Variants in SLC22A9 observed in about 807,000 individuals in gnomAD.
SLC22A9 encodes organic anion transporter 7.
A neutral mutation model predicts 50.1 loss-of-function variants in SLC22A9; 64 were observed. The observed-to-expected ratio is 1.28, with a 90% CI of 1.04 to 1.57. The LOEUF (loss-of-function observed/expected upper bound fraction) is 1.57. SLC22A9 is among the 40% of genes most tolerant of loss of function. The probability of loss-of-function intolerance (pLI) is 0.00; values close to 1 mark genes in which losing one functional copy is unlikely to be tolerated. For synonymous variants in SLC22A9, 261 were observed against 242.5 expected (o/e 1.08, Z -0.71); for missense variants, 757 against 676.1 (o/e 1.12, Z -1.33).
intron 6 of SLC22A9, among the ~76,000 whole-genome samples, chr11:63,383,133 G>C (rs979905708): frequency 6.6e-6 from 1 of 152,106 alleles, no homozygotes; most frequent in Admixed American, 6.6e-5. Flanking sequence ...ATCTGTGACT[G>C]GTACAGCTCA....
At chr11:63,393,114 C>A (rs1028897654) in intron 6 of SLC22A9, among the ~76,000 whole-genome samples, 16 of 152,142 alleles carry the variant, frequency 1.1e-4, no homozygotes, top group African/African-American at 3.6e-4. Flanking sequence ...TCTACCCATC[C>A]ATTAACATGG....
intron 6 of SLC22A9, among the ~76,000 whole-genome samples, chr11:63,392,949 A>G (rs576898502): frequency 5.3e-5 from 8 of 152,098 alleles, no homozygotes; most frequent in Non-Finnish European, 1.2e-4. Context: ...CTTTTTGCAT[A>G]GTCTTGCTTT....
intron 6 of SLC22A9, among the ~76,000 whole-genome samples, chr11:63,386,783 T>C (rs2014676640): frequency 6.6e-6 from 1 of 152,118 alleles, no homozygotes; most frequent in South Asian, 2.1e-4. Context: ...AGCCTCTAGA[T>C]TCATCAGTTT....
chr11:63,392,264 G>T (rs2119956300), intron 6 of SLC22A9, among the ~76,000 whole-genome samples: 1 of 152,028 alleles, frequency 6.6e-6, no homozygotes, highest in Admixed American at 6.6e-5. Context: ...CAATTACAGT[G>T]TTATACTATT....
rs77893621 is a variant in SLC22A9, at chr11:63,380,204, T to C, written c.955-1955T>C. On this transcript the variant is annotated intron_variant, in intron 5 of 9. Coordinates refer to ENST00000279178, the MANE Select transcript of SLC22A9 (RefSeq NM_080866.3). The stretch of plus-strand genomic sequence containing the variant: ...AAAAAATAACAGATGCTGGTGAGAC[T>C]GCAGAAAAAAGGGAACACTTAAAAA... Among the ~76,000 whole-genome samples the C allele has an allele frequency of 6.1e-3, 930 of 152,254 alleles. 10 individuals are homozygous for C. Among genetic ancestry groups the C allele is most frequent in the African/African-American group, 0.02 (851 of 41,558 alleles).
chr11:63,392,506 GT>G (rs966557165), intron 6 of SLC22A9, among the ~76,000 whole-genome samples: 14 of 150,960 alleles, frequency 9.3e-5, no homozygotes, highest in Admixed American at 2.0e-4. Context: ...GGGATAAAAG[GT>G]TTTTTTTTCC....
intron 6 of SLC22A9, among the ~76,000 whole-genome samples, chr11:63,384,474 AT>A (rs1471079137): frequency 1.3e-5 from 2 of 151,756 alleles, no homozygotes; most frequent in Non-Finnish European, 2.9e-5. Flanking sequence ...ACATGATCGC[AT>A]TTTTTTTATG....
At chr11:63,390,890 G>A (rs367575666) in intron 6 of SLC22A9, among the ~76,000 whole-genome samples, 1 of 151,826 alleles carries the variant, frequency 6.6e-6, no homozygotes, top group African/African-American at 2.4e-5. Flanking sequence ...TGCTTTTCTA[G>A]TTCTTTAAGA....
rs918800269 is a variant in SLC22A9, at chr11:63,406,491, T to A, written c.1074-6T>A. The A allele has an allele frequency of 1.4e-5, 23 of 1,612,072 alleles. No individual in the cohort carries two copies. Among genetic ancestry groups the A allele is most frequent in the Non-Finnish European group, 1.9e-5 (22 of 1,178,304 alleles). On this transcript the variant is annotated splice_region_variant and splice_polypyrimidine_tract_variant and intron_variant, in intron 6 of 9. Transcript: ENST00000279178. ...AATATGTTTCTTTCCTTTTTAATCA[T>A]CACAGATTTGCAAACTTTATGGCCT...
chr11:63,398,219 T>C (rs1352551255), intron 6 of SLC22A9, among the ~76,000 whole-genome samples: 1 of 152,124 alleles, frequency 6.6e-6, no homozygotes, highest in Non-Finnish European at 1.5e-5. Context: ...CAGGACCCTA[T>C]TCTACTGTGG....
intron 2 of SLC22A9, among the ~76,000 whole-genome samples, chr11:63,371,667 C>T (rs1257363165): frequency 6.6e-6 from 1 of 152,216 alleles, no homozygotes; most frequent in Non-Finnish European, 1.5e-5. Context: ...GTGTGATGAA[C>T]ACGCATTCCT....
chr11:63,390,104 A>G (rs2014738010), intron 6 of SLC22A9, among the ~76,000 whole-genome samples: 4 of 151,738 alleles, frequency 2.6e-5, no homozygotes, highest in Admixed American at 2.6e-4. Flanking sequence ...GCTTGCAAAA[A>G]TTTTCTCCCA....
chr11:63,400,782 A>G (rs1248096346), intron 6 of SLC22A9, among the ~76,000 whole-genome samples: 14 of 152,134 alleles, frequency 9.2e-5, no homozygotes, highest in Admixed American at 7.2e-4. Context: ...AAATTTTAAA[A>G]CACATTAAAG....
Position 63,409,811 on chromosome 11 carries a change from C to A in SLC22A9, c.1611C>A (p.Asp537Glu). The change falls in exon 10 of 10, where the codon GAC becomes GAA. Residue 537 changes from aspartate (D) to glutamate (E), a missense_variant. By Grantham distance (45) the Asp-to-Glu change is conservative. Coordinates refer to ENST00000279178, the MANE Select transcript of SLC22A9 (RefSeq NM_080866.3). ...TTTGTATTTGTTCTAGGAGAAAAGACCCCAGAGAACCAAAGCAAGAGGATC... is the reference window on the plus strand; with the variant it reads ...TTTGTATTTGTTCTAGGAGAAAAGAACCCAGAGAACCAAAGCAAGAGGATC... ...TIQDEKNERK[D>E]PREPKQEDPR... 1 of 1,613,396 alleles carries A rather than the reference C, an allele frequency of 6.2e-7. No homozygotes were observed. The highest frequency in any genetic ancestry group is 8.5e-7 in the Non-Finnish European group (1 of 1,179,720).
Position 63,407,371 on chromosome 11 carries a change from T to C in SLC22A9, c.1288+660T>C, listed in dbSNP as rs114991522. On this transcript the variant is annotated intron_variant, in intron 7 of 9. Coordinates refer to ENST00000279178, the MANE Select transcript of SLC22A9 (RefSeq NM_080866.3). Reference sequence around the variant, plus strand: ...ACCCAGGTGGCCACCAGTCTTCACCTAACTCTTAGTGTAGTAATGTATCTA... The same window carrying C: ...ACCCAGGTGGCCACCAGTCTTCACCCAACTCTTAGTGTAGTAATGTATCTA... 6.3e-3 allele frequency among the ~76,000 whole-genome samples: 958 copies of C among 152,304 alleles called. 11 individuals carry two copies. Among genetic ancestry groups the C allele is most frequent in the African/African-American group, 0.022 (914 of 41,556 alleles).
intron 6 of SLC22A9, among the ~76,000 whole-genome samples, chr11:63,392,387 T>C (rs1038224231): frequency 2.6e-5 from 4 of 152,116 alleles, no homozygotes; most frequent in Non-Finnish European, 5.9e-5. Flanking sequence ...TTGACATTTC[T>C]TGTAGGACAG....
chr11:63,385,645 T>G (rs1324432115), intron 6 of SLC22A9, among the ~76,000 whole-genome samples: 1 of 152,140 alleles, frequency 6.6e-6, no homozygotes, highest in African/African-American at 2.4e-5. Context: ...ATTGATTTTG[T>G]ATCCTGAGAC....
intron 5 of SLC22A9, among the ~76,000 whole-genome samples, chr11:63,379,646 A>G (rs1464926213): frequency 1.3e-5 from 2 of 152,232 alleles, no homozygotes; most frequent in African/African-American, 4.8e-5. Context: ...AATATTCACA[A>G]TCTATAAGGC....
At chr11:63,404,928 A>T (rs1364492508) in intron 6 of SLC22A9, among the ~76,000 whole-genome samples, 1 of 152,122 alleles carries the variant, frequency 6.6e-6, no homozygotes, top group Non-Finnish European at 1.5e-5. Flanking sequence ...AAGAAGAAGC[A>T]AATTCAAAGA....
Sources: gnomAD v4.1 joint callset for allele counts (sites outside exome capture counted in the v4.1 genomes callset) on GRCh38, gnomAD v4.1.1 for gene constraint, MANE v1.5 for transcripts, NCBI Gene and HGNC (gene_info 2026-07-23, HGNC 2026-07-21) for gene names.